PLAC8L1: variants seen among roughly 807,000 people sequenced by gnomAD.
PLAC8L1 encodes the protein PLAC8-like protein 1.
Under a neutral mutation model 16.3 loss-of-function variants are expected in PLAC8L1, and 13 were observed. That is an observed-to-expected ratio of 0.80 (90% confidence interval 0.52 to 1.27). PLAC8L1 has a LOEUF of 1.27. Among genes scored for constraint, PLAC8L1 ranks in the 50% most tolerant of loss-of-function variants. The pLI, the probability that PLAC8L1 is intolerant of heterozygous loss-of-function variation, is 0.00. For synonymous variants in PLAC8L1, 78 were observed against 79.3 expected (o/e 0.98, Z 0.09); for missense variants, 184 against 220.2 (o/e 0.84, Z 1.04).
intron 1 of PLAC8L1, chr5:146,103,585 C>T: frequency 1.2e-5 from 11 of 906,784 alleles, no homozygotes; most frequent in Non-Finnish European, 1.5e-5. Context: ...TCCAGGCAAA[C>T]CAAGATGGTT....
In PLAC8L1 at chr5:146,098,309, G is replaced by A. The variant is rs577770809; in HGVS notation, c.120-17C>T. On this transcript the variant is annotated splice_polypyrimidine_tract_variant and intron_variant, in intron 1 of 3. Coordinates refer to ENST00000311450, the MANE Select transcript of PLAC8L1 (RefSeq NM_001029869.3). ...ACATGGCCTCTGGAGAGTCAAGGAT[G>A]ATGATTAACTTGGAAACAAAGGTGT... 1.1e-5 allele frequency: 17 copies of A among 1,609,348 alleles called. No homozygotes were observed. Among genetic ancestry groups the A allele is most frequent in the South Asian group, 5.5e-5 (5 of 90,270 alleles).
At chr5:146,098,007 A>G in intron 2 of PLAC8L1, 149 bp downstream of exon 2, 2 of 905,366 alleles carry the variant, frequency 2.2e-6, no homozygotes, top group Non-Finnish European at 3.2e-6. Context: ...TTTTCCAGAC[A>G]AGGAGTACAT....
intron 2 of PLAC8L1, among the ~76,000 whole-genome samples, chr5:146,090,625 G>A (rs1428829960): frequency 1.3e-5 from 2 of 152,180 alleles, no homozygotes; most frequent in Non-Finnish European, 2.9e-5. Context: ...AATGGGCATA[G>A]GATATGGGCA....
At chr5:146,103,844 C>T (rs1182955320) in intron 1 of PLAC8L1, 10 of 985,244 alleles carry the variant, frequency 1.0e-5, no homozygotes, top group African/African-American at 1.7e-5. Flanking sequence ...GTACCTAGGC[C>T]TCCTTGATTA....
At chr5:146,090,506 G>A (rs901547998) in intron 2 of PLAC8L1, among the ~76,000 whole-genome samples, 4 of 151,752 alleles carry the variant, frequency 2.6e-5, no homozygotes, top group Admixed American at 2.6e-4. Flanking sequence ...CTGCACTCCA[G>A]GCTGGGCAAA....
Position 146,104,571 on chromosome 5 carries a change from CT to C in PLAC8L1, c.-261del, listed in dbSNP as rs1456651827. 1 of 310,382 alleles carries C rather than the reference CT, an allele frequency of 3.2e-6. No homozygotes were observed. Among genetic ancestry groups the C allele is most frequent in the Non-Finnish European group, 6.0e-6 (1 of 166,130 alleles). 19.2% of individuals were successfully genotyped at this position (310,382 alleles called of 1,614,324 possible). Reference sequence around the variant, plus strand: ...GTATAGAGTAAATAGAAGAAAAAGACTTATCTTTGGTGGAAAACTCTTTAAG... The same window carrying C: ...GTATAGAGTAAATAGAAGAAAAAGACTATCTTTGGTGGAAAACTCTTTAAG... On this transcript the variant is annotated 5_prime_UTR_variant, in exon 1 of 4. Transcript: ENST00000311450.
intron 1 of PLAC8L1, among the ~76,000 whole-genome samples, chr5:146,100,386 T>G (rs181903467): frequency 1.3e-5 from 2 of 152,220 alleles, no homozygotes; most frequent in African/African-American, 4.8e-5. Flanking sequence ...TTGTAGACAG[T>G]TCTCATGGTT....
intron 2 of PLAC8L1, among the ~76,000 whole-genome samples, chr5:146,087,387 A>C (rs1763535069): frequency 6.6e-6 from 1 of 152,198 alleles, no homozygotes; most frequent in Non-Finnish European, 1.5e-5. Flanking sequence ...GGATACCTGG[A>C]AGGGGAATTG....
At chr5:146,093,017 A>G (rs994078548) in intron 2 of PLAC8L1, among the ~76,000 whole-genome samples, 1 of 152,020 alleles carries the variant, frequency 6.6e-6, no homozygotes, top group African/African-American at 2.4e-5. Context: ...TGTATAAATT[A>G]TACACACACA....
Position 146,104,973 on chromosome 5 carries a change from C to T in PLAC8L1, c.-662G>A, listed in dbSNP as rs754584849. Reference sequence around the variant, plus strand: ...GCATTTCTTTCCTACCCAGTCCAGACGGAATCTAGTAACTGAAGCAAGGCT... The same window carrying T: ...GCATTTCTTTCCTACCCAGTCCAGATGGAATCTAGTAACTGAAGCAAGGCT... On this transcript the variant is annotated 5_prime_UTR_variant, in exon 1 of 4. Coordinates refer to ENST00000311450, the MANE Select transcript of PLAC8L1 (RefSeq NM_001029869.3). 1.1e-4 allele frequency among the ~76,000 whole-genome samples: 16 copies of T among 152,134 alleles called. No homozygotes were observed. Among genetic ancestry groups the T allele is most frequent in the Admixed American group, 2.0e-4 (3 of 15,272 alleles).
chr5:146,104,471 T>A lies in PLAC8L1; in HGVS notation c.-160A>T. On this transcript the variant is annotated 5_prime_UTR_variant, in exon 1 of 4. Transcript: ENST00000311450. ...ATAGCAGTGTAACTAACAGACATCTTTTTTCTTTAAAAACAGGTATACACC... is the reference window on the plus strand; with the variant it reads ...ATAGCAGTGTAACTAACAGACATCTATTTTCTTTAAAAACAGGTATACACC... 1 of 619,004 alleles carries A rather than the reference T, an allele frequency of 1.6e-6. No individual in the cohort carries two copies. The highest frequency in any genetic ancestry group is 2.9e-6 in the Non-Finnish European group (1 of 345,754). The allele number at this position is 619,004 out of a possible 1,614,324, so 38.3% of individuals were successfully genotyped here.
intron 3 of PLAC8L1, 131 bp downstream of exon 3, chr5:146,085,330 A>G: frequency 1.0e-6 from 1 of 980,026 alleles, no homozygotes; most frequent in Non-Finnish European, 1.5e-6. Flanking sequence ...TCCTTTCTCA[A>G]AGTTTCCCAC....
Position 146,086,989 on chromosome 5 carries a change from A to G in PLAC8L1, c.257-1392T>C, listed in dbSNP as rs1367594085. Among the ~76,000 whole-genome samples the G allele has an allele frequency of 2.0e-5, 3 of 152,214 alleles. No homozygotes were observed. The East Asian group carries it at 5.8e-4, about 29-fold the overall frequency. On this transcript the variant is annotated intron_variant, in intron 2 of 3. Coordinates refer to ENST00000311450, the MANE Select transcript of PLAC8L1 (RefSeq NM_001029869.3). ...ACCCAAGTAACCAAATGTGTGGAAC[A>G]TTGCTCTCACCCCAGAGCTCCTGTG...
At chr5:146,101,224 G>A (rs1489135797) in intron 1 of PLAC8L1, among the ~76,000 whole-genome samples, 1 of 145,840 alleles carries the variant, frequency 6.9e-6, no homozygotes, top group East Asian at 2.0e-4. Context: ...AAAAAAATAG[G>A]TGGCCTTATA....
Position 146,098,290 on chromosome 5 carries a change from C to T in PLAC8L1, c.122G>A (p.Gly41Asp), listed in dbSNP as rs537973315. ...EDEHFISNLR[G>D]HVPASAVVKQ... ...CACCACAGCGCTGGCTGGTACATGG[C>T]CTCTGGAGAGTCAAGGATGATGATT... is the stretch of plus-strand genomic sequence containing the variant. The change falls in exon 2 of 4, where the codon GGC (glycine) becomes GAC (aspartate). Residue 41 changes from glycine to aspartate, a missense_variant and splice_region_variant. Gly to Asp is a moderately conservative substitution (Grantham distance 94). Coordinates refer to ENST00000311450, the MANE Select transcript of PLAC8L1 (RefSeq NM_001029869.3). 9.9e-6 allele frequency: 16 copies of T among 1,613,382 alleles called. No homozygotes were observed. In the South Asian group the frequency reaches 1.3e-4, roughly 13 times the overall value.
intron 2 of PLAC8L1, among the ~76,000 whole-genome samples, chr5:146,091,130 A>C (rs1211703908): frequency 1.3e-5 from 2 of 152,240 alleles, no homozygotes; most frequent in Non-Finnish European, 2.9e-5. Context: ...AGATGGAAGT[A>C]GAAATTAGCA....
intron 2 of PLAC8L1, among the ~76,000 whole-genome samples, chr5:146,093,582 G>A (rs992666347): frequency 2.6e-5 from 4 of 152,172 alleles, no homozygotes; most frequent in Admixed American, 2.0e-4. Flanking sequence ...AGAAGCAAAT[G>A]AGAATACAAG....
chr5:146,090,534 A>AAAAAC (rs71581853), intron 2 of PLAC8L1, among the ~76,000 whole-genome samples: 8,902 of 149,738 alleles, frequency 0.059, 313 homozygotes, highest in Admixed American at 0.096. Flanking sequence ...GACCGTCTCA[A>AAAAAC]AAAACAAAAC....
intron 1 of PLAC8L1, chr5:146,099,486 CCA>C (rs1337005212): frequency 1.3e-5 from 2 of 151,964 alleles, no homozygotes; most frequent in African/African-American, 4.8e-5. Context: ...TGGTGAAACC[CCA>C]TCTCTACTAA....
Sources: allele counts gnomAD v4.1 joint callset (sites outside exome capture counted in the v4.1 genomes callset), GRCh38; gene constraint gnomAD v4.1.1; transcripts MANE v1.5; gene names NCBI Gene and HGNC (gene_info 2026-07-23, HGNC 2026-07-21).